Variants in TLN2 observed in about 807,000 individuals in gnomAD.
The protein encoded by TLN2 is talin-2.
Under a neutral mutation model 294.7 loss-of-function variants are expected in TLN2, and 118 were observed. The ratio of observed to expected loss-of-function variants is 0.40; its 90% confidence interval spans 0.34 to 0.47. The LOEUF (loss-of-function observed/expected upper bound fraction) is 0.47. Among genes scored for constraint, TLN2 ranks in the 20% least tolerant of loss-of-function variants. The pLI is 0.84. For synonymous variants in TLN2, 1,431 were observed against 1,304.5 expected, an observed-to-expected ratio of 1.10 and a Z score of -2.09; for missense variants, 3,083 against 3,282.2, an observed-to-expected ratio of 0.94 and a Z score of 1.48.
chr15:62,584,898 T>C (rs930380385), intron 1 of TLN2, among the ~76,000 whole-genome samples: 1 of 152,230 alleles, frequency 6.6e-6, no homozygotes, highest in African/African-American at 2.4e-5. Flanking sequence ...GCTAATCCTA[T>C]TGGATTTTCT....
intron 3 of TLN2, among the ~76,000 whole-genome samples, chr15:62,641,065 G>A (rs1265844815): frequency 6.6e-6 from 1 of 151,892 alleles, no homozygotes; most frequent in Non-Finnish European, 1.5e-5. Context: ...GCCTCCCAAA[G>A]TACTAGGATT....
chr15:62,731,294 T>C (rs765955844), intron 28 of TLN2, among the ~76,000 whole-genome samples: 23 of 152,146 alleles, frequency 1.5e-4, no homozygotes, highest in East Asian at 7.7e-4. Flanking sequence ...TTTTTTTTTT[T>C]CCCACCTCTT....
chr15:62,745,426 A>G (rs2061558433), intron 32 of TLN2, among the ~76,000 whole-genome samples: 1 of 152,198 alleles, frequency 6.6e-6, no homozygotes, highest in South Asian at 2.1e-4. Flanking sequence ...GTGATAATGT[A>G]AATTGATTAA....
chr15:62,438,585 G>A (rs974238965), intron 1 of TLN2, among the ~76,000 whole-genome samples: 3 of 152,146 alleles, frequency 2.0e-5, no homozygotes, highest in African/African-American at 7.2e-5. Context: ...TGTTTACAGC[G>A]TAGCAAGTGT....
At chr15:62,540,282 G>A (rs1015178929) in intron 1 of TLN2, among the ~76,000 whole-genome samples, 1 of 152,054 alleles carries the variant, frequency 6.6e-6, no homozygotes, top group East Asian at 1.9e-4. Context: ...AGAGGTTGCA[G>A]TGAGCCAAGA....
At chr15:62,741,748 C>CGCGTGTGTGTGT in intron 32 of TLN2, among the ~76,000 whole-genome samples, 15 of 131,164 alleles carry the variant, frequency 1.1e-4, no homozygotes, top group Admixed American at 7.7e-4. Flanking sequence ...AAAATTTGCG[C>CGCGTGTGTGTGT]GTGTGTGTGT....
At chr15:62,489,021 C>T (rs1235174135) in intron 1 of TLN2, among the ~76,000 whole-genome samples, 1 of 152,054 alleles carries the variant, frequency 6.6e-6, no homozygotes, top group African/African-American at 2.4e-5. Context: ...ATTAGCTGGG[C>T]ATGGTGGTGC....
intron 1 of TLN2, among the ~76,000 whole-genome samples, chr15:62,572,529 C>T (rs998615739): frequency 1.3e-5 from 2 of 152,182 alleles, no homozygotes; most frequent in African/African-American, 4.8e-5. Flanking sequence ...TACAGGGCAG[C>T]CTTTTTTTCC....
At chr15:62,459,975 C>T (rs11637267) in intron 1 of TLN2, among the ~76,000 whole-genome samples, 72,660 of 152,042 alleles carry the variant, frequency 0.48, 17,939 homozygotes, top group Non-Finnish European at 0.55. Flanking sequence ...CAGCGGGTGA[C>T]CCACGATTGT....
At chr15:62,709,250 C>G (rs2059267825) in intron 21 of TLN2, among the ~76,000 whole-genome samples, 1 of 152,148 alleles carries the variant, frequency 6.6e-6, no homozygotes, top group African/African-American at 2.4e-5. Context: ...AGGGGAGGGC[C>G]TAGACCATGG....
chr15:62,696,189 G>A (rs1352629173), intron 14 of TLN2, among the ~76,000 whole-genome samples: 1 of 152,176 alleles, frequency 6.6e-6, no homozygotes, highest in East Asian at 1.9e-4. Context: ...TGGCTATCGA[G>A]CCTTGCTCTG....
chr15:62,707,847 A>G (rs1457595098), intron 20 of TLN2, among the ~76,000 whole-genome samples: 1 of 152,016 alleles, frequency 6.6e-6, no homozygotes, highest in Admixed American at 6.5e-5. Flanking sequence ...TCTGCCTCCA[A>G]ATACGCTTTC....
At chr15:62,680,364 G>T (rs2056708619) in intron 11 of TLN2, among the ~76,000 whole-genome samples, 1 of 152,064 alleles carries the variant, frequency 6.6e-6, no homozygotes, top group Non-Finnish European at 1.5e-5. Flanking sequence ...TATGGATCCT[G>T]TACATGTTTT....
chr15:62,753,709 C>G, intron 35 of TLN2, 64 bp from the exon 36 acceptor site: 1 of 1,532,514 alleles, frequency 6.5e-7, no homozygotes. Flanking sequence ...TGCGGACCAT[C>G]ATCCCCAGCA....
intron 28 of TLN2, 69 bp from the exon 29 acceptor site, chr15:62,736,809 C>T: frequency 6.5e-7 from 1 of 1,550,338 alleles, no homozygotes; most frequent in East Asian, 2.3e-5. Flanking sequence ...GGTCCAGAAG[C>T]TTATTCCTAA....
chr15:62,573,434 C>G (rs2044093792), intron 1 of TLN2, among the ~76,000 whole-genome samples: 1 of 152,168 alleles, frequency 6.6e-6, no homozygotes, highest in African/African-American at 2.4e-5. Context: ...GGCCCTCTTC[C>G]TGCATTCATC....
chr15:62,566,778 A>C (rs968211348), intron 1 of TLN2, among the ~76,000 whole-genome samples: 1 of 151,948 alleles, frequency 6.6e-6, no homozygotes, highest in Admixed American at 6.6e-5. Flanking sequence ...GCTGGTCTCA[A>C]ACTCCTGGGC....
At chr15:62,772,050 C>T (rs1422192351) in intron 42 of TLN2, among the ~76,000 whole-genome samples, 1 of 152,136 alleles carries the variant, frequency 6.6e-6, no homozygotes, top group Non-Finnish European at 1.5e-5. Context: ...GCCTCAGCCT[C>T]CCAAGTAGCT....
At chr15:62,693,679 A>G (rs2141070289) in intron 13 of TLN2, among the ~76,000 whole-genome samples, 1 of 152,236 alleles carries the variant, frequency 6.6e-6, no homozygotes, top group Non-Finnish European at 1.5e-5. Context: ...TTAAGGCTTC[A>G]AGATACAGCC....
Sources: allele counts gnomAD v4.1 joint callset (sites outside exome capture counted in the v4.1 genomes callset), GRCh38; gene constraint gnomAD v4.1.1; transcripts MANE v1.5; gene names NCBI Gene and HGNC (gene_info 2026-07-23, HGNC 2026-07-21).